Variants in NCOA2 observed in about 807,000 individuals in gnomAD.
NCOA2 encodes the protein class E basic helix-loop-helix protein 75.
Under a neutral mutation model 145.1 loss-of-function variants are expected in NCOA2, and 21 were observed. The observed-to-expected ratio is 0.14, with a 90% CI of 0.10 to 0.21. The LOEUF (loss-of-function observed/expected upper bound fraction) is 0.21. Ranked by LOEUF, NCOA2 falls within the 10% of genes least tolerant of loss-of-function variation. The pLI is 1.00. For missense variants in NCOA2, 1,472 were observed against 1,837.6 expected (o/e 0.80, Z 3.64); for synonymous variants, 619 against 637.5 (o/e 0.97, Z 0.44).
At chr8:70,295,389 A>G (rs1827017056) in intron 2 of NCOA2, among the ~76,000 whole-genome samples, 1 of 152,192 alleles carries the variant, frequency 6.6e-6, no homozygotes. Flanking sequence ...AATATACCAC[A>G]AAACACATCT....
At chr8:70,149,635 C>T (rs1235145767) in intron 11 of NCOA2, among the ~76,000 whole-genome samples, 6 of 151,510 alleles carry the variant, frequency 4.0e-5, no homozygotes, top group Non-Finnish European at 7.4e-5. Context: ...ACCACTATTT[C>T]ACACTTAGCA....
At chr8:70,351,745 C>A (rs547633614) in intron 1 of NCOA2, among the ~76,000 whole-genome samples, 1 of 149,800 alleles carries the variant, frequency 6.7e-6, no homozygotes, top group East Asian at 2.0e-4. Context: ...ACCACCACCC[C>A]GGCTAATTTT....
At chr8:70,299,440 G>T (rs1827327605) in intron 1 of NCOA2, among the ~76,000 whole-genome samples, 1 of 152,154 alleles carries the variant, frequency 6.6e-6, no homozygotes, top group South Asian at 2.1e-4. Context: ...TAAATTATTT[G>T]ATAAAGGGCA....
chr8:70,394,567 A>G (rs1421588838), intron 1 of NCOA2, among the ~76,000 whole-genome samples: 3 of 152,268 alleles, frequency 2.0e-5, no homozygotes, highest in African/African-American at 7.2e-5. Flanking sequence ...ACCACACAAA[A>G]TAAGTCTCAA....
the NCOA2 span, among the ~76,000 whole-genome samples, chr8:70,427,335 G>A: frequency 1.3e-5 from 2 of 152,122 alleles, no homozygotes; most frequent in African/African-American, 2.4e-5. Context: ...ACTTTAAAAA[G>A]GAAGAGTAAG....
intron 2 of NCOA2, among the ~76,000 whole-genome samples, chr8:70,240,151 G>T: frequency 6.6e-6 from 1 of 152,168 alleles, no homozygotes; most frequent in East Asian, 1.9e-4. Context: ...TGAACCTCCA[G>T]ATAATAACAA....
At chr8:70,222,067 C>CTA (rs1416753882) in intron 2 of NCOA2, among the ~76,000 whole-genome samples, 14 of 152,028 alleles carry the variant, frequency 9.2e-5, no homozygotes, top group Non-Finnish European at 7.4e-5. Flanking sequence ...GCCTCACATA[C>CTA]TATAGTCTGT....
intron 1 of NCOA2, among the ~76,000 whole-genome samples, chr8:70,377,066 T>G (rs1811746479): frequency 2.0e-5 from 1 of 50,862 alleles, no homozygotes; most frequent in Non-Finnish European, 2.9e-5. Context: ...TACGTTGTGT[T>G]TTTTTTTTTC....
At chr8:70,440,189 A>C in the NCOA2 span, among the ~76,000 whole-genome samples, 1 of 152,146 alleles carries the variant, frequency 6.6e-6, no homozygotes, top group African/African-American at 2.4e-5. Flanking sequence ...AAGCAGGAGA[A>C]TTGCTTGAAT....
chr8:70,158,786 C>A (rs1470540439), intron 10 of NCOA2, among the ~76,000 whole-genome samples: 3 of 152,034 alleles, frequency 2.0e-5, no homozygotes, highest in South Asian at 2.1e-4. Flanking sequence ...AACAAAAAAA[C>A]CAAACAGTTC....
At chr8:70,179,570 T>C (rs1815248586) in intron 4 of NCOA2, among the ~76,000 whole-genome samples, 3 of 152,230 alleles carry the variant, frequency 2.0e-5, no homozygotes, top group Admixed American at 2.0e-4. Flanking sequence ...CTTAAATCCT[T>C]AGATATTTAT....
chr8:70,377,936 C>T (rs1409322226), intron 1 of NCOA2, among the ~76,000 whole-genome samples: 1 of 149,608 alleles, frequency 6.7e-6, no homozygotes, highest in East Asian at 1.9e-4. Context: ...AATGATAACT[C>T]TGACTCTGAT....
chr8:70,402,542 G>C (rs931606882), intron 1 of NCOA2: 6 of 152,224 alleles, frequency 3.9e-5, no homozygotes, highest in East Asian at 1.9e-4. Flanking sequence ...CCCCCGAGGG[G>C]AGGAGGCGGG....
the NCOA2 span, among the ~76,000 whole-genome samples, chr8:70,447,307 G>A: frequency 6.6e-6 from 1 of 152,136 alleles, no homozygotes; most frequent in African/African-American, 2.4e-5. Context: ...AGCTGGATTG[G>A]GGCGAAAAAG....
At position 70,119,205 on chromosome 8, in the gene NCOA2, C is replaced by T. The variant is rs73285368; in HGVS notation, c.4383+2097G>A. ...CTCACCCACTTCTCTTCCTCCTCTC[C>T]TGCCCTCACAGTCACCCTTCTCAGT... On this transcript the variant is annotated intron_variant, in intron 22 of 22. Transcript: ENST00000452400. Among the ~76,000 whole-genome samples the T allele has an allele frequency of 3.4e-3, 522 of 152,260 alleles. 5 individuals are homozygous for T. The highest frequency in any genetic ancestry group is 0.012 in the African/African-American group (501 of 41,542).
chr8:70,294,043 T>G (rs1034598715), intron 2 of NCOA2, among the ~76,000 whole-genome samples: 1 of 152,144 alleles, frequency 6.6e-6, no homozygotes, highest in Admixed American at 6.5e-5. Context: ...GAACATTTTG[T>G]CCACTTTATA....
At chr8:70,162,371 T>G (rs1264406042) in intron 9 of NCOA2, among the ~76,000 whole-genome samples, 1 of 152,248 alleles carries the variant, frequency 6.6e-6, no homozygotes, top group Non-Finnish European at 1.5e-5. Flanking sequence ...AAATTCCACT[T>G]ACTCTTATAT....
At chr8:70,136,208 T>C (rs1461690813) in intron 15 of NCOA2, among the ~76,000 whole-genome samples, 1 of 152,046 alleles carries the variant, frequency 6.6e-6, no homozygotes, top group Non-Finnish European at 1.5e-5. Context: ...AGCCTGTCTC[T>C]ACTATAAATA....
chr8:70,250,036 G>C (rs987580683), intron 2 of NCOA2, among the ~76,000 whole-genome samples: 1 of 150,822 alleles, frequency 6.6e-6, no homozygotes, highest in Non-Finnish European at 1.5e-5. Flanking sequence ...AACTGGGTGA[G>C]ACCAGAGGTC....
Sources: gnomAD v4.1 joint callset for allele counts (sites outside exome capture counted in the v4.1 genomes callset) on GRCh38, gnomAD v4.1.1 for gene constraint, MANE v1.5 for transcripts, NCBI Gene and HGNC (gene_info 2026-07-23, HGNC 2026-07-21) for gene names.